The following ELAVL4 variants were observed in gnomAD, a reference collection of about 807,000 sequenced individuals.
The protein encoded by ELAVL4 is ELAV like RNA binding protein 4.
ELAVL4 carries 1 observed loss-of-function variant against 35.6 expected under a neutral mutation model. That is an observed-to-expected ratio of 0.03 (90% CI 0.01 to 0.13). The LOEUF is 0.13. ELAVL4 is among the 10% of genes least tolerant of loss of function. The pLI, the probability that ELAVL4 is intolerant of heterozygous loss-of-function variation, is 1.00. For synonymous variants in ELAVL4, 156 were observed against 171.0 expected (o/e 0.91, Z 0.69); for missense variants, 267 against 464.9 (o/e 0.57, Z 3.91).
chr1:50,200,667 C>T, intron 6 of ELAVL4, 184 bp from the exon 7 acceptor site: 1 of 1,256,832 alleles, frequency 8.0e-7, no homozygotes, highest in East Asian at 2.4e-5. Context: ...CCTAGCCAGT[C>T]AAGCCATTCC....
At chr1:50,175,387 T>TACACACACAC (rs68082703) in intron 2 of ELAVL4, 1 of 142,996 alleles carries the variant, frequency 7.0e-6, no homozygotes, top group African/African-American at 2.7e-5. Flanking sequence ...CCACCACACG[T>TACACACACAC]ACACACACAC....
chr1:50,202,059 C>G lies in ELAVL4; in HGVS notation c.*881C>G, dbSNP rs1395468211. The stretch of plus-strand genomic sequence containing the variant: ...TAGAGATCAAGATGTGTGTTTTAAA[C>G]TGGATTCGTAGACTGTTTTTTGAAG... On this transcript the variant is annotated 3_prime_UTR_variant, in exon 7 of 7. Transcript: ENST00000371824. 1.3e-5 allele frequency: 2 copies of G among 152,142 alleles called. No individual in the cohort carries two copies. Among genetic ancestry groups the G allele is most frequent in the Non-Finnish European group, 2.9e-5 (2 of 68,006 alleles). The allele number at this position is 152,142 out of a possible 1,614,324, so 9.4% of individuals were successfully genotyped here. A position where few individuals can be genotyped will look rare whatever the true frequency, so the allele number is the denominator to read the frequency against.
rs187967391 is a variant in ELAVL4, at chr1:50,050,170, G to A, written c.18+1988G>A. On this transcript the variant is annotated intron_variant, in intron 1 of 6. Transcript: ENST00000448907. The stretch of plus-strand genomic sequence containing the variant: ...GATACATGGGGTTAATACCAACCTC[G>A]TAAAGTTGACATGAGAATTAATATT... 1.9e-3 allele frequency among the ~76,000 whole-genome samples: 294 copies of A among 152,262 alleles called. 2 individuals are homozygous for A. Among genetic ancestry groups the A allele is most frequent in the African/African-American group, 6.5e-3 (271 of 41,552 alleles).
intron 1 of ELAVL4, among the ~76,000 whole-genome samples, chr1:50,081,440 CT>C (rs1164005638): frequency 1.3e-5 from 2 of 152,218 alleles, no homozygotes; most frequent in African/African-American, 4.8e-5. Flanking sequence ...TCCATTTCCC[CT>C]AGGCTCATGC....
chr1:50,164,349 G>A (rs1417395534), intron 2 of ELAVL4, among the ~76,000 whole-genome samples: 2 of 152,210 alleles, frequency 1.3e-5, no homozygotes, highest in African/African-American at 4.8e-5. Flanking sequence ...ACCTCACAAG[G>A]CAGCCCACCC....
chr1:50,181,874 G>T (rs1681090248), intron 3 of ELAVL4, among the ~76,000 whole-genome samples: 1 of 152,068 alleles, frequency 6.6e-6, no homozygotes, highest in South Asian at 2.1e-4. Context: ...GTAGAGACAG[G>T]GTTTCTCCGT....
intron 1 of ELAVL4, among the ~76,000 whole-genome samples, chr1:50,057,793 T>A (rs923227029): frequency 5.9e-5 from 9 of 152,168 alleles, no homozygotes; most frequent in Non-Finnish European, 1.0e-4. Flanking sequence ...TCAGAACGTA[T>A]CCCCATTGTT....
At chr1:50,049,957 C>A (rs1663267416) in intron 1 of ELAVL4, among the ~76,000 whole-genome samples, 2 of 152,162 alleles carry the variant, frequency 1.3e-5, no homozygotes, top group African/African-American at 4.8e-5. Context: ...GGTGGCCTTA[C>A]TAATTCCTCT....
At chr1:50,120,383 C>G (rs969663329) in intron 1 of ELAVL4, among the ~76,000 whole-genome samples, 20 of 152,004 alleles carry the variant, frequency 1.3e-4, no homozygotes, top group African/African-American at 3.9e-4. Flanking sequence ...ACTTACAAGG[C>G]CTACTTAAGA....
chr1:50,188,606 G>A (rs1219732477), intron 3 of ELAVL4, among the ~76,000 whole-genome samples: 4 of 152,134 alleles, frequency 2.6e-5, no homozygotes, highest in Non-Finnish European at 5.9e-5. Flanking sequence ...TTTACACTTT[G>A]ACAGACTGAC....
rs1004491242 is a variant in ELAVL4 at position 50,147,508 on chromosome 1, A to C, written c.250+2311A>C. Among the ~76,000 whole-genome samples the C allele has an allele frequency of 3.0e-4, 45 of 152,256 alleles. 1 individual carries two copies. Among genetic ancestry groups the C allele is most frequent in the Non-Finnish European group, 1.2e-4 (8 of 68,014 alleles). Reference sequence around the variant, plus strand: ...AGATAGGGCTGTGGGGAAATGGGGAAGGAGTGGGAATTGCTCTAGCGGAGG... The same window carrying C: ...AGATAGGGCTGTGGGGAAATGGGGACGGAGTGGGAATTGCTCTAGCGGAGG... On this transcript the variant is annotated intron_variant, in intron 2 of 6. Transcript: ENST00000371824.
chr1:50,195,402 C>A (rs959554754), intron 4 of ELAVL4, among the ~76,000 whole-genome samples, 159 bp from the exon 5 acceptor site: 1 of 152,174 alleles, frequency 6.6e-6, no homozygotes, highest in Non-Finnish European at 1.5e-5. Flanking sequence ...TGCAGGTAAA[C>A]GTGTTTTGAT....
At chr1:50,128,647 A>G (rs1365177755) in intron 1 of ELAVL4, among the ~76,000 whole-genome samples, 1 of 151,982 alleles carries the variant, frequency 6.6e-6, no homozygotes, top group African/African-American at 2.4e-5. Flanking sequence ...ATGATGGGGG[A>G]TTGGAGAAGG....
chr1:50,194,090 G>A (rs1683078694), intron 4 of ELAVL4, among the ~76,000 whole-genome samples, 172 bp downstream of exon 4: 1 of 152,166 alleles, frequency 6.6e-6, no homozygotes. Context: ...ATTTAAAATG[G>A]GCCATCTTGG....
chr1:50,052,900 TTAC>T (rs1387584684), intron 1 of ELAVL4, among the ~76,000 whole-genome samples: 7 of 152,234 alleles, frequency 4.6e-5, no homozygotes, highest in African/African-American at 1.4e-4. Context: ...TGTGTTACTG[TTAC>T]TACCAGTTTG....
At chr1:50,107,888 T>G (rs988826088), upstream of ELAVL4, among the ~76,000 whole-genome samples, 3 of 152,174 alleles carry the variant, frequency 2.0e-5, no homozygotes, top group Admixed American at 6.5e-5. Flanking sequence ...AGACAAACTG[T>G]ATACCTCACC....
At chr1:50,193,048 C>G (rs985159901) in intron 3 of ELAVL4, among the ~76,000 whole-genome samples, 2 of 152,160 alleles carry the variant, frequency 1.3e-5, no homozygotes, top group African/African-American at 4.8e-5. Context: ...CTTTCCCTCC[C>G]TCCTTTCCAT....
At chr1:50,146,312 T>G (rs983152002) in intron 2 of ELAVL4, among the ~76,000 whole-genome samples, 2 of 152,208 alleles carry the variant, frequency 1.3e-5, no homozygotes, top group African/African-American at 4.8e-5. Context: ...ATAAATTAAG[T>G]AGTTTGCAAA....
At position 50,193,828 on chromosome 1, in the gene ELAVL4, C is replaced by T; in HGVS notation, c.418C>T (p.Pro140Ser). 6.2e-7 allele frequency: 1 copy of T among 1,614,126 alleles called. No homozygotes were observed. Among genetic ancestry groups the T allele is most frequent in the East Asian group, 2.2e-5 (1 of 44,878 alleles). Residue 140 changes from proline to serine, a missense_variant, in exon 4 of 7, where the codon CCC becomes TCC. Pro to Ser is a moderately conservative substitution (Grantham distance 74). Transcript: ENST00000371824. ...RDANLYVSGLPKTMTQKELEQ... is the reference protein window; with the variant it reads ...RDANLYVSGLSKTMTQKELEQ... Reference sequence around the variant, plus strand: ...TGCTAACCTCTATGTTAGCGGCCTTCCCAAAACCATGACCCAGAAGGAACT... The same window carrying T: ...TGCTAACCTCTATGTTAGCGGCCTTTCCAAAACCATGACCCAGAAGGAACT...
Sources: allele counts gnomAD v4.1 joint callset (sites outside exome capture counted in the v4.1 genomes callset), GRCh38; gene constraint gnomAD v4.1.1; transcripts MANE v1.5; gene names NCBI Gene and HGNC (gene_info 2026-07-23, HGNC 2026-07-21).